LINGO2: variants seen among roughly 807,000 people sequenced by gnomAD.
The protein encoded by LINGO2 is leucine-rich repeat and immunoglobulin-like domain-containing nogo receptor-interacting protein 2.
LINGO2 carries 14 observed loss-of-function variants against 30.6 expected under a neutral mutation model. That is an observed-to-expected ratio of 0.46 (90% CI 0.30 to 0.72). The LOEUF is 0.72. LINGO2 is among the 30% of genes least tolerant of loss of function. The pLI is 0.07. For synonymous variants in LINGO2, 317 were observed against 288.5 expected, an observed-to-expected ratio of 1.10 and a Z score of -1.00; for missense variants, 729 against 751.7, an observed-to-expected ratio of 0.97 and a Z score of 0.35.
At chr9:28,400,973 T>C (rs1343329833) in intron 2 of LINGO2, among the ~76,000 whole-genome samples, 1 of 152,170 alleles carries the variant, frequency 6.6e-6, no homozygotes, top group African/African-American at 2.4e-5. Context: ...TTTATTTCTT[T>C]CATGGACATT....
intron 4 of LINGO2, among the ~76,000 whole-genome samples, chr9:28,086,288 G>A (rs567022697): frequency 9.9e-5 from 15 of 152,118 alleles, no homozygotes; most frequent in Admixed American, 8.5e-4. Flanking sequence ...AAAAGATGAC[G>A]CTGATTCAGA....
chr9:29,105,063 C>T, the LINGO2 span, among the ~76,000 whole-genome samples: 1 of 152,074 alleles, frequency 6.6e-6, no homozygotes, highest in Non-Finnish European at 1.5e-5. Flanking sequence ...TACCCTAAAC[C>T]CAAACACCTT....
At chr9:28,784,464 A>G in the LINGO2 span, among the ~76,000 whole-genome samples, 4 of 152,176 alleles carry the variant, frequency 2.6e-5, no homozygotes, top group African/African-American at 9.7e-5. Flanking sequence ...TAGACGACCT[A>G]ATTTTCTCAT....
chr9:28,459,505 A>AC (rs1193942903), intron 2 of LINGO2, among the ~76,000 whole-genome samples: 1 of 151,728 alleles, frequency 6.6e-6, no homozygotes, highest in Non-Finnish European at 1.5e-5. Context: ...GTGCCAGAAA[A>AC]AAAAGTCTAT....
intron 4 of LINGO2, among the ~76,000 whole-genome samples, chr9:28,201,880 G>A (rs1340105329): frequency 2.0e-5 from 3 of 151,328 alleles, no homozygotes; most frequent in Admixed American, 6.6e-5. Context: ...TGAGCCCACC[G>A]CTCTAGCAGT....
intron 5 of LINGO2, among the ~76,000 whole-genome samples, chr9:28,002,080 C>G (rs1292985221): frequency 6.6e-6 from 1 of 152,184 alleles, no homozygotes. Context: ...CTCAGATAGG[C>G]TAAACCTAGA....
chr9:28,416,941 C>T (rs1822991086), intron 2 of LINGO2, among the ~76,000 whole-genome samples: 1 of 152,090 alleles, frequency 6.6e-6, no homozygotes, highest in South Asian at 2.1e-4. Flanking sequence ...AAAAGAAATA[C>T]ATGGGTACAC....
chr9:28,248,247 C>T (rs1393808759), intron 4 of LINGO2, among the ~76,000 whole-genome samples: 1 of 152,100 alleles, frequency 6.6e-6, no homozygotes, highest in African/African-American at 2.4e-5. Flanking sequence ...AAATGTGGTA[C>T]CTCTGCACAG....
the LINGO2 span, among the ~76,000 whole-genome samples, chr9:28,970,169 C>T: frequency 6.6e-6 from 1 of 151,684 alleles, no homozygotes; most frequent in South Asian, 2.1e-4. Flanking sequence ...GTTAGGAAGG[C>T]CAGAGAAAAG....
the LINGO2 span, among the ~76,000 whole-genome samples, chr9:29,177,819 G>A: frequency 6.6e-6 from 1 of 152,016 alleles, no homozygotes; most frequent in Admixed American, 6.6e-5. Context: ...GTTGAAAATT[G>A]TCCCCAAATT....
At chr9:28,883,669 T>TATATATATATATATA in the LINGO2 span, among the ~76,000 whole-genome samples, 14 of 131,928 alleles carry the variant, frequency 1.1e-4, no homozygotes, top group Admixed American at 2.3e-4. Flanking sequence ...TATATATATA[T>TATATATATATATATA]TTGGTTTTTT....
chr9:29,041,463 CA>C, the LINGO2 span, among the ~76,000 whole-genome samples: 1 of 151,964 alleles, frequency 6.6e-6, no homozygotes, highest in East Asian at 1.9e-4. Flanking sequence ...AGAGTCAAGA[CA>C]GTGTGGTATT....
the LINGO2 span, among the ~76,000 whole-genome samples, chr9:29,078,909 A>C: frequency 6.6e-6 from 1 of 151,884 alleles, no homozygotes; most frequent in Non-Finnish European, 1.5e-5. Context: ...AATTATTAGA[A>C]GGCCCAGGAA....
chr9:28,047,445 T>C (rs1361320914), intron 4 of LINGO2, among the ~76,000 whole-genome samples: 1 of 142,030 alleles, frequency 7.0e-6, no homozygotes, highest in Non-Finnish European at 1.5e-5. Flanking sequence ...ATATTAACTA[T>C]AGCACAGTAA....
intron 4 of LINGO2, among the ~76,000 whole-genome samples, chr9:28,240,364 C>T (rs1821738165): frequency 6.6e-6 from 1 of 152,088 alleles, no homozygotes. Context: ...ATCACATTAC[C>T]TGACTTCAAA....
chr9:28,791,723 T>G, the LINGO2 span, among the ~76,000 whole-genome samples: 22 of 152,106 alleles, frequency 1.4e-4, no homozygotes, highest in East Asian at 4.3e-3. Context: ...ATGTTTTGAT[T>G]AATAAAAATT....
chr9:28,230,117 A>G (rs1821306008), intron 4 of LINGO2, among the ~76,000 whole-genome samples: 1 of 151,894 alleles, frequency 6.6e-6, no homozygotes, highest in African/African-American at 2.4e-5. Context: ...ATTGTTCTAA[A>G]AACTTTCTTT....
chr9:28,582,073 C>G (rs1435853418), intron 1 of LINGO2, among the ~76,000 whole-genome samples: 1 of 151,946 alleles, frequency 6.6e-6, no homozygotes, highest in Non-Finnish European at 1.5e-5. Flanking sequence ...ATATTGAGCT[C>G]ATCAGGCTAC....
At chr9:28,585,991 C>G (rs1199015005) in intron 1 of LINGO2, among the ~76,000 whole-genome samples, 1 of 151,470 alleles carries the variant, frequency 6.6e-6, no homozygotes, top group African/African-American at 2.4e-5. Context: ...CTGGTCAGCC[C>G]TGGCTTCTGT....
Sources: allele counts gnomAD v4.1 joint callset (sites outside exome capture counted in the v4.1 genomes callset), GRCh38; gene constraint gnomAD v4.1.1; transcripts MANE v1.5; gene names NCBI Gene and HGNC (gene_info 2026-07-23, HGNC 2026-07-21).